The following DYNC2H1 variants were observed in gnomAD, a reference collection of about 807,000 sequenced individuals.
DYNC2H1 encodes cytoplasmic dynein 2 heavy chain 1.
DYNC2H1 carries 410 observed loss-of-function variants against 570.0 expected under a neutral mutation model. The ratio of observed to expected loss-of-function variants is 0.72; its 90% CI spans 0.66 to 0.78. The LOEUF (loss-of-function observed/expected upper bound fraction) is 0.78, where lower values mean the gene tolerates loss of function less well. DYNC2H1 is among the 30% of genes least tolerant of loss of function. The pLI is 0.00. For synonymous variants in DYNC2H1, 1,688 were observed against 1,677.6 expected (o/e 1.01, Z -0.15); for missense variants, 4,865 against 5,046.4 (o/e 0.96, Z 1.09).
At chr11:103,236,641 T>C (rs569412260) in intron 63 of DYNC2H1, 102 bp downstream of exon 63, 2 of 573,592 alleles carry the variant, frequency 3.5e-6, no homozygotes, top group African/African-American at 1.9e-5. Flanking sequence ...GTTACCCTTT[T>C]CTTACTAAAA....
intron 85 of DYNC2H1, among the ~76,000 whole-genome samples, chr11:103,453,451 C>T (rs553130591): frequency 4.6e-5 from 7 of 151,668 alleles, no homozygotes; most frequent in Non-Finnish European, 8.9e-5. Context: ...ATTTATTTAT[C>T]TCATTAAATA....
In DYNC2H1 at chr11:103,255,436, C is replaced by G. The variant is rs776839009; in HGVS notation, c.10228C>G (p.His3410Asp). 1 of 1,564,892 alleles carries G rather than the reference C, an allele frequency of 6.4e-7. No homozygotes were observed. Among genetic ancestry groups the G allele is most frequent in the South Asian group, 1.2e-5 (1 of 84,490 alleles). ...RGQLLALTIQ[H>D]EKPDLEEQKT... Reference sequence around the variant, plus strand: ...CAAGCTTTTAGCTTTAACCATTCAGCATGAGAAACCTGATTTAGAAGAACA... The same window carrying G: ...CAAGCTTTTAGCTTTAACCATTCAGGATGAGAAACCTGATTTAGAAGAACA... Residue 3410 changes from histidine (H) to aspartate (D), a missense_variant, in exon 67 of 89, where the codon CAT becomes GAT. Around this residue, in one of 5 missense-constraint regions of DYNC2H1, gnomAD observed 2,401 missense variants for 2,454.6 expected, o/e 0.98. Transcript: ENST00000375735.
intron 56 of DYNC2H1, 149 bp downstream of exon 56, chr11:103,220,177 G>A: frequency 2.2e-6 from 1 of 449,118 alleles, no homozygotes; most frequent in Non-Finnish European, 3.9e-6. Context: ...AAGAGAACAA[G>A]AAGGAAAGCC....
rs1176732967 is a variant in DYNC2H1, at chr11:103,455,130, T to C, written c.12457-56T>C. 4.6e-6 allele frequency: 6 copies of C among 1,300,266 alleles called. No individual in the cohort carries two copies. In the Admixed American group the frequency reaches 1.2e-4, roughly 27 times the overall value. The allele number at this position is 1,300,266 out of a possible 1,614,324, so 80.5% of individuals were successfully genotyped here. A position where few individuals can be genotyped will look rare whatever the true frequency, so the allele number is the denominator to read the frequency against. ...TTTCTTATTGAAAATGACTTAAGTC[T>C]TTAATTGACTTATAAGTGTGTGTGT... On this transcript the variant is annotated intron_variant, in intron 85 of 88. Coordinates refer to ENST00000375735, the MANE Select transcript of DYNC2H1 (RefSeq NM_001377.3).
chr11:103,160,144 TA>T (rs1304619204), intron 28 of DYNC2H1, among the ~76,000 whole-genome samples: 3 of 152,270 alleles, frequency 2.0e-5, no homozygotes, highest in South Asian at 4.1e-4. Flanking sequence ...TATTGTTTAT[TA>T]ATTGGTTATC....
Position 103,324,400 on chromosome 11 carries a change from C to T in DYNC2H1, c.12039+410C>T, listed in dbSNP as rs1360862526. Among the ~76,000 whole-genome samples the T allele has an allele frequency of 1.3e-5, 2 of 152,110 alleles. No homozygotes were observed. Among genetic ancestry groups the T allele is most frequent in the African/African-American group, 4.8e-5 (2 of 41,408 alleles). ...CCATGTATACTCAGTGTTTAGATCT[C>T]ACCTATAAGTGAGAACGTGGTATTT... On this transcript the variant is annotated intron_variant, in intron 82 of 88. Transcript: ENST00000375735. The surrounding 1 kb of genome is among the most constrained non-coding windows in gnomAD (Gnocchi z 5.2).
intron 83 of DYNC2H1, among the ~76,000 whole-genome samples, chr11:103,361,489 C>G (rs908346506): frequency 9.9e-6 from 1 of 100,888 alleles, no homozygotes; most frequent in East Asian, 2.7e-4. Context: ...CAGACTAAGA[C>G]AGGGATAAGG....
intron 18 of DYNC2H1, among the ~76,000 whole-genome samples, chr11:103,146,079 A>G (rs1192292858): frequency 1.3e-5 from 2 of 152,218 alleles, no homozygotes; most frequent in Admixed American, 1.3e-4. Context: ...TTCATGTGTC[A>G]AGAAAATTGG....
intron 87 of DYNC2H1, among the ~76,000 whole-genome samples, chr11:103,468,200 G>A (rs1367246526): frequency 6.6e-6 from 1 of 151,202 alleles, no homozygotes; most frequent in East Asian, 2.0e-4. Flanking sequence ...TTCCTTAAAA[G>A]GTGTCAGAAT....
At chr11:103,365,474 T>A (rs899188541) in intron 83 of DYNC2H1, among the ~76,000 whole-genome samples, 8 of 152,200 alleles carry the variant, frequency 5.3e-5, no homozygotes, top group Non-Finnish European at 1.5e-5. Context: ...TTAATTCCTA[T>A]TGGGCTGAAT....
At chr11:103,223,716 C>T (rs1238712533) in intron 59 of DYNC2H1, among the ~76,000 whole-genome samples, 2 of 149,802 alleles carry the variant, frequency 1.3e-5, no homozygotes, top group Non-Finnish European at 3.0e-5. Context: ...GAAAGGAAAG[C>T]TTTGGAAATT....
chr11:103,206,666 CA>C (rs1342346954), intron 52 of DYNC2H1, among the ~76,000 whole-genome samples: 1 of 151,934 alleles, frequency 6.6e-6, no homozygotes. Context: ...AAGAAGATAG[CA>C]TGTCAAAGGA....
chr11:103,230,952 T>C lies in DYNC2H1; in HGVS notation c.9354-308T>C, dbSNP rs546306964. On this transcript the variant is annotated intron_variant, in intron 59 of 88. Coordinates refer to ENST00000375735, the MANE Select transcript of DYNC2H1 (RefSeq NM_001377.3). The stretch of plus-strand genomic sequence containing the variant: ...CTCTGTGCATATGTATCTTTCTTAT[T>C]TTCTTGGCTTCATTTTAGTAGGGTT... Among the ~76,000 whole-genome samples, 4 of 152,292 alleles carry C rather than the reference T, an allele frequency of 2.6e-5. No homozygotes were observed. In the East Asian group the frequency reaches 7.7e-4, roughly 29 times the overall value.
At chr11:103,257,252 G>C (rs991365381) in intron 68 of DYNC2H1, among the ~76,000 whole-genome samples, 2 of 152,106 alleles carry the variant, frequency 1.3e-5, no homozygotes, top group African/African-American at 4.8e-5. Context: ...AAGCTCTCAC[G>C]AGACACCAAA....
intron 84 of DYNC2H1, among the ~76,000 whole-genome samples, chr11:103,413,692 G>A (rs569619412): frequency 1.3e-5 from 2 of 152,252 alleles, no homozygotes; most frequent in South Asian, 4.1e-4. Context: ...CAAATACTGG[G>A]ATGGAACTCT....
intron 40 of DYNC2H1, among the ~76,000 whole-genome samples, chr11:103,183,972 T>G (rs959301732): frequency 2.0e-5 from 3 of 152,012 alleles, no homozygotes; most frequent in Non-Finnish European, 4.4e-5. Context: ...CCCTTGCCTA[T>G]TTCTCTGACT....
rs386374721 is a variant in DYNC2H1 at position 103,309,168 on chromosome 11, A to ATTTTTTTTTTTTT, written c.11493+1349_11493+1361dup. Among the ~76,000 whole-genome samples the ATTTTTTTTTTTTT allele has an allele frequency of 3.8e-4, 21 of 54,644 alleles. 4 individuals carry two copies. The highest frequency in any genetic ancestry group is 9.4e-4 in the Admixed American group (3 of 3,176). The allele number at this position is 54,644 out of a possible 152,430, so 35.8% of individuals were successfully genotyped here. On this transcript the variant is annotated intron_variant, in intron 78 of 88. Transcript: ENST00000375735. ...TTATTAGTGTTTGTAACTGCATGCT[A>ATTTTTTTTTTTTT]TTTTTTTTTTTTTTTTTTTTTTTTG...
intron 83 of DYNC2H1, among the ~76,000 whole-genome samples, chr11:103,370,553 A>G (rs1243798762): frequency 6.6e-6 from 1 of 152,184 alleles, no homozygotes; most frequent in Non-Finnish European, 1.5e-5. Flanking sequence ...CTGACACAGT[A>G]CAGTACTAAT....
chr11:103,294,790 A>T (rs1178733366), intron 75 of DYNC2H1, among the ~76,000 whole-genome samples: 51 of 152,124 alleles, frequency 3.4e-4, no homozygotes, highest in Admixed American at 3.3e-3. Context: ...TCAGCAGGTT[A>T]TAAGCCAGCA....
Sources: allele counts gnomAD v4.1 joint callset (sites outside exome capture counted in the v4.1 genomes callset), GRCh38; gene constraint gnomAD v4.1.1; regional missense constraint gnomAD v4.1.1; non-coding constraint Gnocchi (gnomAD v3.1); transcripts MANE v1.5; gene names NCBI Gene and HGNC (gene_info 2026-07-23, HGNC 2026-07-21).